The following LPAR3 variants were observed in gnomAD, a reference collection of about 807,000 sequenced individuals.
The protein encoded by LPAR3 is lysophosphatidic acid receptor 3.
In LPAR3, 7 loss-of-function variants were observed where a neutral mutation model predicts 17.8. The observed-to-expected ratio is 0.39, with a 90% CI of 0.22 to 0.74. The LOEUF is 0.74. LPAR3 is among the 30% of genes least tolerant of loss of function. The pLI is 0.40. For synonymous variants in LPAR3, 179 were observed against 179.9 expected, an observed-to-expected ratio of 0.99 and a Z score of 0.04; for missense variants, 391 against 453.4, an observed-to-expected ratio of 0.86 and a Z score of 1.25.
At chr1:84,858,025 T>C (rs577948469) in intron 2 of LPAR3, among the ~76,000 whole-genome samples, 5 of 152,216 alleles carry the variant, frequency 3.3e-5, no homozygotes, top group Non-Finnish European at 7.4e-5. Flanking sequence ...CAGATCTGCA[T>C]AGAGTTGTTA....
chr1:84,886,339 A>G (rs1250169663), intron 1 of LPAR3, among the ~76,000 whole-genome samples: 1 of 152,160 alleles, frequency 6.6e-6, no homozygotes, highest in East Asian at 1.9e-4. Flanking sequence ...AGCCTGGGCA[A>G]CACAGCAAGA....
intron 2 of LPAR3, among the ~76,000 whole-genome samples, chr1:84,824,837 T>G (rs1659123259): frequency 6.6e-6 from 1 of 152,212 alleles, no homozygotes; most frequent in African/African-American, 2.4e-5. Flanking sequence ...CTGCCCTGTT[T>G]CTGTATCCAT....
rs184331057 is a variant in LPAR3 at position 84,832,026 on chromosome 1, G to A, written c.737-17855C>T. Among the ~76,000 whole-genome samples, 531 of 152,014 alleles carry A rather than the reference G, an allele frequency of 3.5e-3. 3 individuals carry two copies. The highest frequency in any genetic ancestry group is 0.017 in the South Asian group (82 of 4,808). On this transcript the variant is annotated intron_variant, in intron 2 of 2. Coordinates refer to ENST00000370611, the MANE Select transcript of LPAR3 (RefSeq NM_012152.3). ...AAATGTTGAACATTCCAGACTCTTG[G>A]GTGGAAACCTAGTTCCCTATTAAGA...
chr1:84,882,554 G>C (rs1436666886), intron 1 of LPAR3, among the ~76,000 whole-genome samples: 1 of 152,148 alleles, frequency 6.6e-6, no homozygotes, highest in African/African-American at 2.4e-5. Context: ...GAAGAACAAA[G>C]CTGGAGGCCT....
chr1:84,817,161 C>T (rs1658949426), intron 2 of LPAR3, among the ~76,000 whole-genome samples: 1 of 152,050 alleles, frequency 6.6e-6, no homozygotes, highest in African/African-American at 2.4e-5. Flanking sequence ...ATAGTCTGAG[C>T]ATTGAGGCTA....
At chr1:84,890,708 G>GTA (rs1660538058) in intron 1 of LPAR3, among the ~76,000 whole-genome samples, 1 of 152,186 alleles carries the variant, frequency 6.6e-6, no homozygotes, top group African/African-American at 2.4e-5. Flanking sequence ...TTGAACTAAT[G>GTA]TATACTCCAA....
In LPAR3 at chr1:84,876,988, T is replaced by C. The variant is rs138171820; in HGVS notation, c.-18-10850A>G. 7.0e-4 allele frequency among the ~76,000 whole-genome samples: 107 copies of C among 152,348 alleles called. 1 individual carries two copies. The highest frequency in any genetic ancestry group is 2.3e-3 in the African/African-American group (96 of 41,586). Reference sequence around the variant, plus strand: ...AATGAGTGATCTACCCATGGTTTACTGCATACTGGAATCTACCTCACAAAT... The same window carrying C: ...AATGAGTGATCTACCCATGGTTTACCGCATACTGGAATCTACCTCACAAAT... On this transcript the variant is annotated intron_variant, in intron 1 of 2. Transcript: ENST00000370611.
chr1:84,880,304 G>A (rs1485111140), intron 1 of LPAR3, among the ~76,000 whole-genome samples: 5 of 152,318 alleles, frequency 3.3e-5, no homozygotes, highest in East Asian at 1.9e-4. Flanking sequence ...TTTAGCAAGC[G>A]AGACAAGAAA....
At chr1:84,829,632 A>G (rs1260124785) in intron 2 of LPAR3, among the ~76,000 whole-genome samples, 1 of 152,074 alleles carries the variant, frequency 6.6e-6, no homozygotes, top group Non-Finnish European at 1.5e-5. Flanking sequence ...AGTCAGGCTC[A>G]TGCTCAAGAA....
intron 1 of LPAR3, among the ~76,000 whole-genome samples, chr1:84,891,970 T>C (rs1176931091): frequency 1.3e-5 from 2 of 151,976 alleles, no homozygotes; most frequent in East Asian, 3.9e-4. Flanking sequence ...TCCCAGCACT[T>C]TGGGATGCTG....
intron 2 of LPAR3, among the ~76,000 whole-genome samples, chr1:84,822,050 A>G (rs775016592): frequency 6.6e-6 from 1 of 152,194 alleles, no homozygotes. Context: ...GTAGGTGGTA[A>G]CTGAGGCAAA....
chr1:84,812,253 A>G lies in LPAR3; in HGVS notation c.*1593T>C, dbSNP rs965124438. ...TAAAAACATCTGTTCTCAAATGAAC[A>G]CCTCTTTCTCTTTTCTTGTACAGCA... On this transcript the variant is annotated 3_prime_UTR_variant, in exon 3 of 3. Transcript: ENST00000370611. 2.2e-4 allele frequency: 33 copies of G among 152,044 alleles called. 1 individual carries two copies. Among genetic ancestry groups the G allele is most frequent in the African/African-American group, 8.0e-4 (33 of 41,404 alleles). 9.4% of individuals were successfully genotyped at this position (152,044 alleles called of 1,614,324 possible).
chr1:84,866,327 C>T (rs911345062), intron 1 of LPAR3, among the ~76,000 whole-genome samples, 189 bp from the exon 2 acceptor site: 1 of 152,178 alleles, frequency 6.6e-6, no homozygotes, highest in Admixed American at 6.5e-5. Flanking sequence ...GCATTTAGCG[C>T]ACATTTTAAT....
intron 2 of LPAR3, among the ~76,000 whole-genome samples, chr1:84,857,732 T>G (rs1659855798): frequency 6.6e-6 from 1 of 152,182 alleles, no homozygotes; most frequent in Non-Finnish European, 1.5e-5. Context: ...AAGAGACTAT[T>G]AACTGACTCT....
rs575494769 is a variant in LPAR3 at position 84,820,872 on chromosome 1, A to G, written c.737-6701T>C. Reference sequence around the variant, plus strand: ...AGAATTGCTAGATCAAAGTTTTTCCAGACACAGTAGCAATTCAGTGGGTTG... The same window carrying G: ...AGAATTGCTAGATCAAAGTTTTTCCGGACACAGTAGCAATTCAGTGGGTTG... On this transcript the variant is annotated intron_variant, in intron 2 of 2. Coordinates refer to ENST00000370611, the MANE Select transcript of LPAR3 (RefSeq NM_012152.3). Among the ~76,000 whole-genome samples the G allele has an allele frequency of 1.2e-4, 19 of 152,294 alleles. No homozygotes were observed. In the South Asian group the frequency reaches 3.9e-3, roughly 32 times the overall value.
At chr1:84,883,479 T>G (rs1660401262) in intron 1 of LPAR3, among the ~76,000 whole-genome samples, 1 of 152,228 alleles carries the variant, frequency 6.6e-6, no homozygotes, top group African/African-American at 2.4e-5. Context: ...ACCTAATGTT[T>G]AACATTCTTA....
At chr1:84,822,764 T>A (rs1337893186) in intron 2 of LPAR3, among the ~76,000 whole-genome samples, 1 of 152,202 alleles carries the variant, frequency 6.6e-6, no homozygotes, top group Non-Finnish European at 1.5e-5. Context: ...TGTTCAACAT[T>A]CAAACTTTTC....
At chr1:84,829,140 T>A in intron 2 of LPAR3, among the ~76,000 whole-genome samples, 1 of 139,998 alleles carries the variant, frequency 7.1e-6, no homozygotes, top group Non-Finnish European at 1.5e-5. Context: ...TTTCCTTGTA[T>A]CCCTCTCTGC....
chr1:84,877,936 T>C (rs978294570), intron 1 of LPAR3, among the ~76,000 whole-genome samples: 6 of 151,822 alleles, frequency 4.0e-5, no homozygotes, highest in Non-Finnish European at 7.4e-5. Flanking sequence ...TAGTTGGTTA[T>C]AAGGGGATTT....
Sources: allele counts gnomAD v4.1 joint callset (sites outside exome capture counted in the v4.1 genomes callset), GRCh38; gene constraint gnomAD v4.1.1; transcripts MANE v1.5; gene names NCBI Gene and HGNC (gene_info 2026-07-23, HGNC 2026-07-21).